The following NEK5 variants were observed in gnomAD, a reference collection of about 807,000 sequenced individuals.
NEK5 encodes serine/threonine-protein kinase Nek5.
NEK5 carries 88 observed loss-of-function variants against 109.2 expected under a neutral mutation model. The observed-to-expected ratio is 0.81, with a 90% confidence interval of 0.68 to 0.96. NEK5 has a LOEUF of 0.96. Among genes scored for constraint, NEK5 ranks in the 40% least tolerant of loss-of-function variants. The pLI is 0.00. For missense variants in NEK5, 834 were observed against 920.7 expected, an observed-to-expected ratio of 0.91 and a Z score of 1.22; for synonymous variants, 283 against 299.9, an observed-to-expected ratio of 0.94 and a Z score of 0.58.
chr13:52,055,047 T>C (rs1456205878), intron 22 of NEK5, among the ~76,000 whole-genome samples: 1 of 152,054 alleles, frequency 6.6e-6, no homozygotes, highest in Non-Finnish European at 1.5e-5. Context: ...GTTGAAAACT[T>C]TGAAAAAAAT....
At chr13:52,121,845 C>T (rs1004576) in intron 3 of NEK5, among the ~76,000 whole-genome samples, 90,838 of 151,868 alleles carry the variant, frequency 0.6, 29,244 homozygotes, top group Non-Finnish European at 0.72. Context: ...ATATTAAATG[C>T]TATTGAATCG....
intron 16 of NEK5, among the ~76,000 whole-genome samples, chr13:52,085,798 G>A (rs1417451353): frequency 6.6e-6 from 1 of 152,174 alleles, no homozygotes; most frequent in African/African-American, 2.4e-5. Context: ...GCGCCTTTAA[G>A]AGATTTTTAA....
chr13:52,069,375 A>G (rs1360133790), intron 20 of NEK5, among the ~76,000 whole-genome samples: 1 of 152,114 alleles, frequency 6.6e-6, no homozygotes, highest in East Asian at 1.9e-4. Context: ...GTTTGTTTAT[A>G]TAGTGGTAGG....
intron 7 of NEK5, among the ~76,000 whole-genome samples, chr13:52,109,596 C>T (rs1593991103): frequency 6.6e-6 from 1 of 152,154 alleles, no homozygotes; most frequent in East Asian, 1.9e-4. Context: ...AGTCTGGCAC[C>T]TTTTTAAATC....
intron 19 of NEK5, among the ~76,000 whole-genome samples, chr13:52,075,041 G>A (rs1032708551): frequency 2.6e-5 from 4 of 152,186 alleles, no homozygotes; most frequent in African/African-American, 9.6e-5. Flanking sequence ...ATGTAAATTA[G>A]TTCAACCACT....
intron 3 of NEK5, among the ~76,000 whole-genome samples, chr13:52,126,530 C>T (rs921436983): frequency 6.6e-6 from 1 of 152,200 alleles, no homozygotes; most frequent in African/African-American, 2.4e-5. Context: ...GTAATCCCAG[C>T]ACTTTGGGAG....
At chr13:52,073,433 A>G (rs1954814213) in intron 19 of NEK5, among the ~76,000 whole-genome samples, 1 of 151,540 alleles carries the variant, frequency 6.6e-6, no homozygotes, top group African/African-American at 2.4e-5. Context: ...CTCCTGCCTC[A>G]GCCTCCTAAG....
intron 13 of NEK5, 95 bp from the exon 14 acceptor site, chr13:52,089,408 A>G (rs1955228876): frequency 9.5e-6 from 7 of 733,684 alleles, no homozygotes; most frequent in Non-Finnish European, 1.6e-5. Context: ...TGAGATTCAC[A>G]ATTCACCAGT....
chr13:52,083,834 C>T (rs1343669434), intron 16 of NEK5, among the ~76,000 whole-genome samples: 1 of 152,156 alleles, frequency 6.6e-6, no homozygotes, highest in Non-Finnish European at 1.5e-5. Context: ...CCGCGCCTGA[C>T]CAATGTCTGC....
intron 12 of NEK5, among the ~76,000 whole-genome samples, 180 bp downstream of exon 12, chr13:52,099,563 A>T (rs1385463025): frequency 1.3e-5 from 2 of 152,144 alleles, no homozygotes; most frequent in Non-Finnish European, 2.9e-5. Context: ...CCAGCTACTC[A>T]GGAGGCTGGG....
At chr13:52,059,169 A>G (rs1381666985) in intron 22 of NEK5, among the ~76,000 whole-genome samples, 1 of 74,226 alleles carries the variant, frequency 1.3e-5, no homozygotes, top group African/African-American at 5.1e-5. Context: ...TTCTCAAAAG[A>G]AGACATTTAT....
intron 20 of NEK5, among the ~76,000 whole-genome samples, chr13:52,066,852 A>G (rs1954699231): frequency 6.6e-6 from 1 of 151,664 alleles, no homozygotes; most frequent in Non-Finnish European, 1.5e-5. Context: ...TTTCTAATGT[A>G]TAACTTTTTA....
chr13:52,098,889 T>C (rs541539946), intron 12 of NEK5, among the ~76,000 whole-genome samples: 1 of 152,320 alleles, frequency 6.6e-6, no homozygotes, highest in Admixed American at 6.5e-5. Flanking sequence ...ATTTGTGGAC[T>C]CCAAACAATA....
chr13:52,073,321 T>C, intron 19 of NEK5, among the ~76,000 whole-genome samples: 1 of 139,274 alleles, frequency 7.2e-6, no homozygotes, highest in Admixed American at 7.1e-5. Context: ...TTTCTTTCCC[T>C]TTTTTTTTTT....
intron 14 of NEK5, among the ~76,000 whole-genome samples, chr13:52,088,067 A>G (rs549863793): frequency 6.6e-6 from 1 of 152,056 alleles, no homozygotes; most frequent in Admixed American, 6.6e-5. Context: ...AGCTGGGACT[A>G]CAGGCACACA....
intron 17 of NEK5, among the ~76,000 whole-genome samples, chr13:52,081,044 T>C (rs1955002721): frequency 6.6e-6 from 1 of 150,480 alleles, no homozygotes; most frequent in Non-Finnish European, 1.5e-5. Context: ...TTGGGGGAAA[T>C]GTGAGCAATG....
Position 52,110,337 on chromosome 13 carries a change from T to A in NEK5, c.467+3A>T, listed in dbSNP as rs754533475. The A allele has an allele frequency of 8.8e-6, 14 of 1,595,536 alleles. No individual in the cohort carries two copies. The highest frequency in any genetic ancestry group is 1.2e-5 in the Non-Finnish European group (14 of 1,163,378). On this transcript the variant is annotated splice_donor_region_variant and intron_variant, in intron 7 of 23. Coordinates refer to ENST00000684899, the MANE Select transcript of NEK5 (RefSeq NM_001365552.1). ...AAAGAAAAATTATTTTCAAAGTACT[T>A]ACTTATTCAGGACTCTTGCTATACC...
intron 11 of NEK5, among the ~76,000 whole-genome samples, chr13:52,100,732 C>T (rs1368560851): frequency 6.6e-6 from 1 of 152,118 alleles, no homozygotes; most frequent in Non-Finnish European, 1.5e-5. Flanking sequence ...TGTTCTTGTT[C>T]TCCTATCTTA....
At chr13:52,093,935 C>T (rs1171924974) in intron 12 of NEK5, among the ~76,000 whole-genome samples, 1 of 152,162 alleles carries the variant, frequency 6.6e-6, no homozygotes, top group Non-Finnish European at 1.5e-5. Context: ...GTGAAACTCA[C>T]ACATATGGGG....
Sources: allele counts gnomAD v4.1 joint callset (sites outside exome capture counted in the v4.1 genomes callset), GRCh38; gene constraint gnomAD v4.1.1; transcripts MANE v1.5; gene names NCBI Gene and HGNC (gene_info 2026-07-23, HGNC 2026-07-21).